Variants in ADAM10 observed in about 807,000 individuals in gnomAD.
The protein encoded by ADAM10 is disintegrin and metalloproteinase domain-containing protein 10.
A neutral mutation model predicts 90.1 loss-of-function variants in ADAM10; 17 were observed. That is an observed-to-expected ratio of 0.19 (90% CI 0.13 to 0.28). The LOEUF is 0.28. ADAM10 is among the 10% of genes least tolerant of loss of function. The probability of loss-of-function intolerance (pLI) is 1.00; values close to 1 mark genes in which losing one functional copy is unlikely to be tolerated. For synonymous variants in ADAM10, 310 were observed against 298.6 expected, an observed-to-expected ratio of 1.04 and a Z score of -0.40; for missense variants, 610 against 914.3, an observed-to-expected ratio of 0.67 and a Z score of 4.29.
At chr15:58,659,690 T>C (rs182478331) in intron 5 of ADAM10, among the ~76,000 whole-genome samples, 1 of 152,224 alleles carries the variant, frequency 6.6e-6, no homozygotes, top group Non-Finnish European at 1.5e-5. Context: ...CTGGTATGAC[T>C]ATCAAAGTAA....
chr15:58,718,120 G>A (rs1326171716), intron 1 of ADAM10, among the ~76,000 whole-genome samples: 1 of 151,704 alleles, frequency 6.6e-6, no homozygotes, highest in African/African-American at 2.4e-5. Context: ...AACATAGCAA[G>A]ACTTCATCCC....
intron 2 of ADAM10, among the ~76,000 whole-genome samples, chr15:58,684,604 G>A (rs1470970375): frequency 6.6e-6 from 1 of 152,208 alleles, no homozygotes; most frequent in Non-Finnish European, 1.5e-5. Context: ...CAGAAACTCT[G>A]TGCTGCCTCC....
intron 12 of ADAM10, chr15:58,611,551 A>T (rs1393218525): frequency 2.5e-6 from 1 of 404,828 alleles, no homozygotes; most frequent in East Asian, 4.7e-5. Context: ...TAAAACTTAA[A>T]TATTATAGAC....
intron 4 of ADAM10, among the ~76,000 whole-genome samples, chr15:58,673,248 G>A (rs1354625870): frequency 1.3e-5 from 2 of 152,272 alleles, no homozygotes; most frequent in South Asian, 2.1e-4. Flanking sequence ...AAGCCAGCAT[G>A]AAAATCTAAA....
chr15:58,598,380 GCTAA>G (rs773219512), intron 15 of ADAM10, among the ~76,000 whole-genome samples: 3 of 152,176 alleles, frequency 2.0e-5, no homozygotes, highest in Non-Finnish European at 4.4e-5. Flanking sequence ...GTTCCAGAGT[GCTAA>G]CTAACATTGT....
intron 8 of ADAM10, among the ~76,000 whole-genome samples, chr15:58,637,679 C>CT (rs1200492412): frequency 1.1e-4 from 16 of 151,900 alleles, no homozygotes; most frequent in African/African-American, 3.6e-4. Flanking sequence ...AAAGAAAAGG[C>CT]TAAGATGTTA....
chr15:58,655,084 AGTGGGG>A (rs1229805336), intron 5 of ADAM10, among the ~76,000 whole-genome samples: 1 of 152,138 alleles, frequency 6.6e-6, no homozygotes, highest in Non-Finnish European at 1.5e-5. Flanking sequence ...CATTGCTGAA[AGTGGGG>A]TATTGAAGTC....
intron 1 of ADAM10, among the ~76,000 whole-genome samples, chr15:58,729,294 G>C (rs1205904370): frequency 2.0e-5 from 3 of 152,236 alleles, no homozygotes; most frequent in Admixed American, 6.5e-5. Context: ...ACTGGAAATT[G>C]TGTTTATGGA....
At chr15:58,605,569 A>C (rs373741793) in intron 14 of ADAM10, among the ~76,000 whole-genome samples, 4 of 152,352 alleles carry the variant, frequency 2.6e-5, no homozygotes, top group South Asian at 2.1e-4. Flanking sequence ...CATTTCTCTC[A>C]AAAGAAAAGA....
intron 10 of ADAM10, among the ~76,000 whole-genome samples, chr15:58,622,410 G>A (rs1432337222): frequency 2.6e-5 from 4 of 152,002 alleles, no homozygotes; most frequent in Admixed American, 2.6e-4. Flanking sequence ...CTTTTTGACA[G>A]GTCTCTTATG....
In ADAM10 at chr15:58,652,791, G is replaced by A. The variant is rs534741668; in HGVS notation, c.586-6587C>T. On this transcript the variant is annotated intron_variant, in intron 5 of 15. Coordinates refer to ENST00000260408, the MANE Select transcript of ADAM10 (RefSeq NM_001110.4). Reference sequence around the variant, plus strand: ...TGTGAAGAATGACAATGGCATTTTGGTAGCAATTGCATTGCCTTTTGTAAT... The same window carrying A: ...TGTGAAGAATGACAATGGCATTTTGATAGCAATTGCATTGCCTTTTGTAAT... Among the ~76,000 whole-genome samples the A allele has an allele frequency of 7.9e-4, 116 of 146,622 alleles. 1 individual carries two copies. The highest frequency in any genetic ancestry group is 5.4e-4 in the African/African-American group (20 of 37,248).
chr15:58,692,562 G>T, intron 2 of ADAM10: 1 of 546,520 alleles, frequency 1.8e-6, no homozygotes, highest in South Asian at 1.4e-5. Flanking sequence ...AATAAACGGC[G>T]ATAAGACAGC....
At position 58,595,065 on chromosome 15, in the gene ADAM10, A is replaced by T. The variant is rs992414251; in HGVS notation, c.*2482T>A. On this transcript the variant is annotated 3_prime_UTR_variant, in exon 16 of 16. Coordinates refer to ENST00000260408, the MANE Select transcript of ADAM10 (RefSeq NM_001110.4). Reference sequence around the variant, plus strand: ...AACTTATCATTAAACTAGGCTTTTTAAAATAAATGAGGTACTTAGCATTCA... The same window carrying T: ...AACTTATCATTAAACTAGGCTTTTTTAAATAAATGAGGTACTTAGCATTCA... 4.6e-5 allele frequency: 7 copies of T among 152,186 alleles called. No individual in the cohort carries two copies. The highest frequency in any genetic ancestry group is 7.4e-5 in the Non-Finnish European group (5 of 67,996). The allele number at this position is 152,186 out of a possible 1,614,324, so 9.4% of individuals were successfully genotyped here.
rs867875856 is a variant in ADAM10, at chr15:58,620,660, A to T, written c.1511+811T>A. Among the ~76,000 whole-genome samples, 75 of 59,408 alleles carry T rather than the reference A, an allele frequency of 1.3e-3. 12 individuals are homozygous for T. Among genetic ancestry groups the T allele is most frequent in the Middle Eastern group, 9.4e-3 (1 of 106 alleles). The allele number at this position is 59,408 out of a possible 152,430, so 39.0% of individuals were successfully genotyped here. On this transcript the variant is annotated intron_variant, in intron 11 of 15. Transcript: ENST00000260408. ...CACAATAAGTAACTAAAGAATATGT[A>T]TTTTTTTTTTTTTTTTTTTGAGACG...
At chr15:58,678,319 T>C (rs138103496) in intron 4 of ADAM10, among the ~76,000 whole-genome samples, 16 of 152,136 alleles carry the variant, frequency 1.1e-4, no homozygotes, top group Middle Eastern at 3.4e-3. Flanking sequence ...AGTGTATTAC[T>C]AGGGGTAAGA....
At chr15:58,659,012 C>T (rs1445069869) in intron 5 of ADAM10, among the ~76,000 whole-genome samples, 4 of 152,146 alleles carry the variant, frequency 2.6e-5, no homozygotes, top group Admixed American at 2.0e-4. Context: ...AGTGGGCTCA[C>T]ACCTGTAATC....
rs1282795434 is a variant in ADAM10, at chr15:58,591,094, T to G, written c.*6453A>C. ...AGCTGACCATACTCCTTGACATGTTTAACAGAGAACAAATATTTTACTTAA... is the reference window on the plus strand; with the variant it reads ...AGCTGACCATACTCCTTGACATGTTGAACAGAGAACAAATATTTTACTTAA... On this transcript the variant is annotated 3_prime_UTR_variant, in exon 16 of 16. Transcript: ENST00000260408. 3 of 152,300 alleles carry G rather than the reference T, an allele frequency of 2.0e-5. No homozygotes were observed. The East Asian group carries it at 5.8e-4, about 29-fold the overall frequency. 9.4% of individuals were successfully genotyped at this position (152,300 alleles called of 1,614,324 possible).
intron 4 of ADAM10, among the ~76,000 whole-genome samples, chr15:58,668,309 C>A (rs541622002): frequency 6.6e-6 from 1 of 152,254 alleles, no homozygotes; most frequent in South Asian, 2.1e-4. Flanking sequence ...GTAAAACTTA[C>A]AACTGACACT....
chr15:58,635,627 A>G (rs1196035022), intron 8 of ADAM10, among the ~76,000 whole-genome samples: 3 of 152,180 alleles, frequency 2.0e-5, no homozygotes, highest in Admixed American at 1.3e-4. Context: ...TATATAAATA[A>G]GTATTCTGTA....
Sources: gnomAD v4.1 joint callset for allele counts (sites outside exome capture counted in the v4.1 genomes callset) on GRCh38, gnomAD v4.1.1 for gene constraint, MANE v1.5 for transcripts, NCBI Gene and HGNC (gene_info 2026-07-23, HGNC 2026-07-21) for gene names.